IMMP2L: variants seen among roughly 807,000 people sequenced by gnomAD.
IMMP2L encodes inner mitochondrial membrane peptidase subunit 2, also known as mitochondrial inner membrane protease subunit 2.
In IMMP2L, 18 loss-of-function variants were observed where a neutral mutation model predicts 19.3. That is an observed-to-expected ratio of 0.93 (90% confidence interval 0.64 to 1.38). The LOEUF (loss-of-function observed/expected upper bound fraction) is 1.38, where lower values mean the gene tolerates loss of function less well. IMMP2L is among the 40% of genes most tolerant of loss of function. The probability of loss-of-function intolerance (pLI) is 0.00; values close to 1 mark genes in which losing one functional copy is unlikely to be tolerated. For missense variants in IMMP2L, 233 were observed against 218.2 expected (o/e 1.07, Z -0.43); for synonymous variants, 76 against 73.0 (o/e 1.04, Z -0.21).
At position 111,290,826 on chromosome 7, in the gene IMMP2L, A is replaced by G. The variant is rs1821018851; in HGVS notation, c.239+196412T>C. 2.0e-5 allele frequency among the ~76,000 whole-genome samples: 3 copies of G among 148,270 alleles called. 1 individual carries two copies. In the South Asian group the frequency reaches 6.4e-4, roughly 32 times the overall value. Reference sequence around the variant, plus strand: ...TCTCTCTCACTATATATATATATACAAACACACACACACACACACACACAC... The same window carrying G: ...TCTCTCTCACTATATATATATATACGAACACACACACACACACACACACAC... On this transcript the variant is annotated intron_variant, in intron 3 of 5. Transcript: ENST00000405709.
At chr7:111,518,324 A>G (rs543337327) in intron 2 of IMMP2L, among the ~76,000 whole-genome samples, 21 of 152,266 alleles carry the variant, frequency 1.4e-4, no homozygotes, top group Admixed American at 6.5e-4. Flanking sequence ...TAACCAAAAC[A>G]GTATTTATTC....
At chr7:111,037,842 G>A (rs1194992852) in intron 3 of IMMP2L, among the ~76,000 whole-genome samples, 1 of 152,134 alleles carries the variant, frequency 6.6e-6, no homozygotes, top group African/African-American at 2.4e-5. Context: ...GCAGAAAATA[G>A]CAAAAGTAAG....
At chr7:111,150,312 C>T (rs1215285463) in intron 3 of IMMP2L, among the ~76,000 whole-genome samples, 1 of 152,156 alleles carries the variant, frequency 6.6e-6, no homozygotes, top group Non-Finnish European at 1.5e-5. Context: ...CATTCCTAGG[C>T]TGTCAGTCAA....
chr7:111,015,353 T>C (rs1010229420), intron 3 of IMMP2L, among the ~76,000 whole-genome samples: 1 of 152,102 alleles, frequency 6.6e-6, no homozygotes, highest in African/African-American at 2.4e-5. Context: ...TCTAAACTAG[T>C]TAATATCATA....
At position 111,536,621 on chromosome 7, in the gene IMMP2L, A is replaced by C. The variant is rs190454056; in HGVS notation, c.-2-15172T>G. Reference sequence around the variant, plus strand: ...TGTGCTCCGCCTAAAATATTGTTTTAAAATAAGTCCCCTTTATGATCATTC... The same window carrying C: ...TGTGCTCCGCCTAAAATATTGTTTTCAAATAAGTCCCCTTTATGATCATTC... On this transcript the variant is annotated intron_variant, in intron 1 of 5. Transcript: ENST00000405709. Among the ~76,000 whole-genome samples the C allele has an allele frequency of 5.5e-4, 84 of 152,246 alleles. 2 individuals are homozygous for C. Among genetic ancestry groups the C allele is most frequent in the African/African-American group, 1.9e-3 (78 of 41,560 alleles).
intron 3 of IMMP2L, among the ~76,000 whole-genome samples, chr7:111,100,417 T>C (rs1797848404): frequency 6.8e-6 from 1 of 148,042 alleles, no homozygotes; most frequent in Non-Finnish European, 1.5e-5. Context: ...AAACTTTATA[T>C]ATAATAAAAT....
intron 3 of IMMP2L, among the ~76,000 whole-genome samples, chr7:111,471,290 C>T (rs915387009): frequency 3.9e-5 from 6 of 151,962 alleles, no homozygotes; most frequent in African/African-American, 7.3e-5. Context: ...CTGATTTACC[C>T]GCAAATCTTG....
At chr7:111,292,529 T>C (rs1821225505) in intron 3 of IMMP2L, among the ~76,000 whole-genome samples, 1 of 152,048 alleles carries the variant, frequency 6.6e-6, no homozygotes, top group Non-Finnish European at 1.5e-5. Flanking sequence ...GTAATCCTCT[T>C]TTTGTTTTCC....
intron 3 of IMMP2L, among the ~76,000 whole-genome samples, chr7:111,382,281 A>G (rs1399698521): frequency 6.6e-6 from 1 of 151,430 alleles, no homozygotes; most frequent in Non-Finnish European, 1.5e-5. Context: ...TAAGGAAGTA[A>G]CATTCAATAG....
chr7:110,722,870 T>G (rs527764923), intron 5 of IMMP2L, among the ~76,000 whole-genome samples: 1 of 152,098 alleles, frequency 6.6e-6, no homozygotes, highest in East Asian at 1.9e-4. Context: ...TGAAGCAAGT[T>G]TGTGAAAATA....
chr7:111,386,637 A>G (rs1175216337), intron 3 of IMMP2L, among the ~76,000 whole-genome samples: 1 of 152,152 alleles, frequency 6.6e-6, no homozygotes, highest in Non-Finnish European at 1.5e-5. Flanking sequence ...GAAAACTCAT[A>G]AAAGACTCAT....
intron 3 of IMMP2L, among the ~76,000 whole-genome samples, chr7:111,208,799 TG>T (rs1810996193): frequency 6.6e-6 from 1 of 152,088 alleles, no homozygotes; most frequent in Non-Finnish European, 1.5e-5. Context: ...TTTTCTTCAA[TG>T]GGGTTGGCTG....
rs185631804 is a variant in IMMP2L at position 110,935,150 on chromosome 7, A to G, written c.305+28350T>C. ...TGGCTGGTACTGGTTGTTCCTTTAC[A>G]TGTTTAGTGCTTCCTTCAGGAGCTC... On this transcript the variant is annotated intron_variant, in intron 4 of 5. Coordinates refer to ENST00000405709, the MANE Select transcript of IMMP2L (RefSeq NM_032549.4). Among the ~76,000 whole-genome samples the G allele has an allele frequency of 4.1e-3, 629 of 152,094 alleles. 7 individuals are homozygous for G. The highest frequency in any genetic ancestry group is 0.014 in the African/African-American group (581 of 41,470).
chr7:111,135,684 A>G (rs1000275829), intron 3 of IMMP2L, among the ~76,000 whole-genome samples: 5 of 152,198 alleles, frequency 3.3e-5, no homozygotes, highest in Non-Finnish European at 7.3e-5. Flanking sequence ...AACTTAGTAT[A>G]TTTTATTGCA....
intron 5 of IMMP2L, among the ~76,000 whole-genome samples, chr7:110,734,719 T>TCAAA (rs139346353): frequency 1.1e-3 from 168 of 149,130 alleles, no homozygotes; most frequent in African/African-American, 1.7e-3. Flanking sequence ...TTAATTTGTT[T>TCAAA]CAAACAAACA....
At chr7:110,700,070 T>C (rs1562925293) in intron 5 of IMMP2L, among the ~76,000 whole-genome samples, 1 of 152,172 alleles carries the variant, frequency 6.6e-6, no homozygotes, top group Non-Finnish European at 1.5e-5. Flanking sequence ...CACAGCCCAG[T>C]TGACACTTTG....
At chr7:110,943,423 G>C (rs1011636514) in intron 4 of IMMP2L, among the ~76,000 whole-genome samples, 4 of 152,054 alleles carry the variant, frequency 2.6e-5, no homozygotes, top group African/African-American at 9.7e-5. Flanking sequence ...CCCTGACAGA[G>C]GGATAGGTGA....
intron 3 of IMMP2L, among the ~76,000 whole-genome samples, chr7:111,363,712 C>T (rs929115131): frequency 6.6e-6 from 1 of 152,042 alleles, no homozygotes; most frequent in Non-Finnish European, 1.5e-5. Context: ...ATAGGACTCT[C>T]CTGTTTTAAA....
At chr7:111,345,803 T>C (rs1366288417) in intron 3 of IMMP2L, among the ~76,000 whole-genome samples, 1 of 152,174 alleles carries the variant, frequency 6.6e-6, no homozygotes, top group Non-Finnish European at 1.5e-5. Context: ...CAGGTCATTT[T>C]AAGGCAGCTC....
Sources: allele counts gnomAD v4.1 joint callset (sites outside exome capture counted in the v4.1 genomes callset), GRCh38; gene constraint gnomAD v4.1.1; transcripts MANE v1.5; gene names NCBI Gene and HGNC (gene_info 2026-07-23, HGNC 2026-07-21).